The following FBXL17 variants were observed in gnomAD, a reference collection of about 807,000 sequenced individuals.
The protein encoded by FBXL17 is F-box/LRR-repeat protein 17.
A neutral mutation model predicts 66.2 loss-of-function variants in FBXL17; 22 were observed. The observed-to-expected ratio is 0.33, with a 90% confidence interval of 0.24 to 0.47. The LOEUF (loss-of-function observed/expected upper bound fraction) is 0.47. Among genes scored for constraint, FBXL17 ranks in the 20% least tolerant of loss-of-function variants. FBXL17 has a pLI of 1.00. For missense variants in FBXL17, 878 were observed against 948.2 expected, an observed-to-expected ratio of 0.93 and a Z score of 0.97; for synonymous variants, 474 against 400.5, an observed-to-expected ratio of 1.18 and a Z score of -2.19.
At chr5:107,919,491 C>A (rs1299618774) in intron 7 of FBXL17, among the ~76,000 whole-genome samples, 1 of 152,174 alleles carries the variant, frequency 6.6e-6, no homozygotes, top group East Asian at 1.9e-4. Context: ...GGGTTCTCAC[C>A]TCACTGAGGG....
At chr5:108,082,023 C>T (rs895032406) in intron 6 of FBXL17, among the ~76,000 whole-genome samples, 5 of 152,048 alleles carry the variant, frequency 3.3e-5, no homozygotes, top group Admixed American at 3.3e-4. Flanking sequence ...AATATTGTTA[C>T]GAGGGCAGAA....
At chr5:107,883,800 G>T (rs1395468724) in intron 7 of FBXL17, among the ~76,000 whole-genome samples, 1 of 152,168 alleles carries the variant, frequency 6.6e-6, no homozygotes, top group African/African-American at 2.4e-5. Context: ...CGCTAAGGGG[G>T]TGTAAGAGCC....
chr5:107,975,855 T>C (rs1752557567), intron 7 of FBXL17, among the ~76,000 whole-genome samples: 1 of 61,120 alleles, frequency 1.6e-5, no homozygotes, highest in Non-Finnish European at 3.1e-5. Context: ...TTTGTTGTTG[T>C]TGTTTTTTTT....
chr5:108,230,862 G>T (rs1425496906), intron 4 of FBXL17, among the ~76,000 whole-genome samples: 2 of 152,066 alleles, frequency 1.3e-5, no homozygotes, highest in Non-Finnish European at 2.9e-5. Context: ...CGGGTGATGG[G>T]TGCACCAAAA....
chr5:108,095,106 T>C (rs970079608), intron 6 of FBXL17, among the ~76,000 whole-genome samples: 1 of 152,082 alleles, frequency 6.6e-6, no homozygotes, highest in Non-Finnish European at 1.5e-5. Context: ...ACAACATTCA[T>C]TTAAAAATCA....
At chr5:108,061,770 T>C (rs1343199966) in intron 6 of FBXL17, among the ~76,000 whole-genome samples, 1 of 152,056 alleles carries the variant, frequency 6.6e-6, no homozygotes. Context: ...CCAAGAATCC[T>C]CAGTATTTTC....
intron 6 of FBXL17, among the ~76,000 whole-genome samples, chr5:108,153,777 A>C (rs967216268): frequency 7.2e-5 from 11 of 152,082 alleles, no homozygotes; most frequent in African/African-American, 2.7e-4. Flanking sequence ...CCATGAGAAC[A>C]CTCTCTACAC....
At chr5:108,260,267 A>G (rs146410600) in intron 4 of FBXL17, among the ~76,000 whole-genome samples, 50 of 152,288 alleles carry the variant, frequency 3.3e-4, no homozygotes, top group Non-Finnish European at 6.0e-4. Flanking sequence ...GGTGAAAACC[A>G]TAGGTAGTGA....
At chr5:108,325,542 G>C (rs1359477654) in intron 4 of FBXL17, among the ~76,000 whole-genome samples, 1 of 152,030 alleles carries the variant, frequency 6.6e-6, no homozygotes. Flanking sequence ...ATAAACAAAG[G>C]TAGAAACTGT....
chr5:107,908,904 T>C (rs994762028), intron 7 of FBXL17, among the ~76,000 whole-genome samples: 2 of 152,184 alleles, frequency 1.3e-5, no homozygotes, highest in East Asian at 3.9e-4. Flanking sequence ...CTTATGGATC[T>C]GGGACAGTGA....
In FBXL17 at chr5:108,365,010, G is replaced by GC. The variant is rs764075002; in HGVS notation, c.1117-16dup. 2 of 1,570,658 alleles carry GC rather than the reference G, an allele frequency of 1.3e-6. No individual in the cohort carries two copies. Among genetic ancestry groups the GC allele is most frequent in the Non-Finnish European group, 1.7e-6 (2 of 1,158,014 alleles). On this transcript the variant is annotated splice_polypyrimidine_tract_variant and intron_variant, in intron 2 of 8. Coordinates refer to ENST00000542267, the MANE Select transcript of FBXL17 (RefSeq NM_001163315.3). ...TCATCAGTGACCTGTAAGAGAAAAA[G>GC]CAATAAATTTAAACTTTTGCTAAAA...
chr5:108,253,371 T>C (rs1262581473), intron 4 of FBXL17, among the ~76,000 whole-genome samples: 1 of 152,202 alleles, frequency 6.6e-6, no homozygotes, highest in African/African-American at 2.4e-5. Context: ...CTAAATGTAT[T>C]ATTTTTAAAT....
chr5:108,297,742 C>CA, intron 4 of FBXL17: 1 of 613,918 alleles, frequency 1.6e-6, no homozygotes, highest in Non-Finnish European at 2.0e-6. Context: ...AAATAAACTT[C>CA]AAAAAAAGTT....
intron 7 of FBXL17, among the ~76,000 whole-genome samples, chr5:107,975,731 T>A (rs748681400): frequency 9.2e-5 from 14 of 151,946 alleles, no homozygotes; most frequent in Non-Finnish European, 1.9e-4. Context: ...TTTTCTTCAA[T>A]AAGACACAAA....
chr5:108,185,619 G>A (rs980652527), intron 6 of FBXL17, among the ~76,000 whole-genome samples: 2 of 152,074 alleles, frequency 1.3e-5, no homozygotes, highest in African/African-American at 4.8e-5. Flanking sequence ...AGCTGCTTGG[G>A]AGGCTGAGGC....
At chr5:107,997,376 G>A (rs1185262742) in intron 7 of FBXL17, among the ~76,000 whole-genome samples, 3 of 152,130 alleles carry the variant, frequency 2.0e-5, no homozygotes, top group Non-Finnish European at 4.4e-5. Flanking sequence ...CTAGTGACAT[G>A]TCATCATTTG....
chr5:108,119,537 C>T (rs945871820), intron 6 of FBXL17, among the ~76,000 whole-genome samples: 1 of 152,182 alleles, frequency 6.6e-6, no homozygotes, highest in Non-Finnish European at 1.5e-5. Context: ...GAATATATTT[C>T]TCTTTCTCTA....
chr5:108,272,994 T>G (rs868079371), intron 4 of FBXL17, among the ~76,000 whole-genome samples: 1 of 152,280 alleles, frequency 6.6e-6, no homozygotes, highest in African/African-American at 2.4e-5. Flanking sequence ...AAGAGATAAA[T>G]TTTAAAGCTG....
Position 108,366,101 on chromosome 5 carries a change from G to A in FBXL17, c.1117-1106C>T, listed in dbSNP as rs954877698. On this transcript the variant is annotated intron_variant, in intron 2 of 8. Transcript: ENST00000542267. ...GTTTTTAATCTTTTACTGTTTCTAT[G>A]AGAAACAATACCTCGCATATAATTC... Among the ~76,000 whole-genome samples, 13 of 151,994 alleles carry A rather than the reference G, an allele frequency of 8.6e-5. 1 individual carries two copies. Among genetic ancestry groups the A allele is most frequent in the Admixed American group, 5.9e-4 (9 of 15,232 alleles).
Sources: gnomAD v4.1 joint callset for allele counts (sites outside exome capture counted in the v4.1 genomes callset) on GRCh38, gnomAD v4.1.1 for gene constraint, MANE v1.5 for transcripts, NCBI Gene and HGNC (gene_info 2026-07-23, HGNC 2026-07-21) for gene names.